The following ST6GAL1 variants were observed in gnomAD, a reference collection of about 807,000 sequenced individuals.
The protein encoded by ST6GAL1 is ST6 beta-galactoside alpha-2,6-sialyltransferase 1.
In ST6GAL1, 20 loss-of-function variants were observed where a neutral mutation model predicts 38.0. The observed-to-expected ratio is 0.53, with a 90% confidence interval of 0.37 to 0.77. ST6GAL1 has a LOEUF of 0.77. Among genes scored for constraint, ST6GAL1 ranks in the 30% least tolerant of loss-of-function variants. The pLI, the probability that ST6GAL1 is intolerant of heterozygous loss-of-function variation, is 0.00. For synonymous variants in ST6GAL1, 196 were observed against 188.2 expected (o/e 1.04, Z -0.34); for missense variants, 432 against 496.4 (o/e 0.87, Z 1.23).
At chr3:186,985,203 C>T (rs1715870189) in intron 2 of ST6GAL1, among the ~76,000 whole-genome samples, 2 of 152,112 alleles carry the variant, frequency 1.3e-5, no homozygotes, top group African/African-American at 4.8e-5. Context: ...GCCACTGAGC[C>T]TGGCCCTATC....
chr3:187,052,622 T>A (rs1718555823), intron 5 of ST6GAL1, among the ~76,000 whole-genome samples: 1 of 152,336 alleles, frequency 6.6e-6, no homozygotes, highest in Admixed American at 6.5e-5. Context: ...ACAAAGGACA[T>A]GAACTCATCC....
At chr3:187,049,138 G>A (rs1393158733) in intron 4 of ST6GAL1, among the ~76,000 whole-genome samples, 1 of 152,046 alleles carries the variant, frequency 6.6e-6, no homozygotes, top group Non-Finnish European at 1.5e-5. Flanking sequence ...TGATCCACCC[G>A]CCTCGGCCTC....
At chr3:186,970,312 T>G in intron 2 of ST6GAL1, among the ~76,000 whole-genome samples, 1 of 151,206 alleles carries the variant, frequency 6.6e-6, no homozygotes, top group Non-Finnish European at 1.5e-5. Context: ...CCTCCCAGGT[T>G]CAAGCAGTTC....
At position 187,051,250 on chromosome 3, in the gene ST6GAL1, T is replaced by C. The variant is rs748717915; in HGVS notation, c.609T>C (p.Asp203=). Residue 203 remains aspartate (D), a splice_region_variant and synonymous_variant, in exon 5 of 8, where the codon GAT becomes GAC. Transcript: ENST00000169298. ...TTTCTGTTTCTTTGTGGTTTATAGA[T>C]GATCATGACGCAGTCCTGAGGTTTA... ...LKSSQLGREI[D]DHDAVLRFNG... The C allele has an allele frequency of 1.6e-5, 26 of 1,614,012 alleles. No homozygotes were observed. Among genetic ancestry groups the C allele is most frequent in the Non-Finnish European group, 1.9e-5 (23 of 1,179,908 alleles).
At chr3:186,984,745 TC>T (rs1715818244) in intron 2 of ST6GAL1, among the ~76,000 whole-genome samples, 1 of 33,788 alleles carries the variant, frequency 3.0e-5, no homozygotes, top group Non-Finnish European at 6.1e-5. Flanking sequence ...CTTCCTTCCC[TC>T]CCTCCCTCCC....
At chr3:187,062,062 G>A (rs9827655) in intron 5 of ST6GAL1, among the ~76,000 whole-genome samples, 15,134 of 152,144 alleles carry the variant, frequency 0.099, 2,505 homozygotes, top group African/African-American at 0.34. Flanking sequence ...AATAGGCAAA[G>A]GACTTGAATG....
In ST6GAL1 at chr3:187,074,404, C is replaced by T. The variant is rs901524913; in HGVS notation, c.979+71C>T. ...GAGATGAGCTTTTTTTCTGGGGTCT[C>T]ATTCAGTCATTCGTTTGTTCATTTG... On this transcript the variant is annotated intron_variant, in intron 7 of 7. Coordinates refer to ENST00000169298, the MANE Select transcript of ST6GAL1 (RefSeq NM_173216.2). 14 of 1,429,888 alleles carry T rather than the reference C, an allele frequency of 9.8e-6. No homozygotes were observed. The African/African-American group carries it at 2.0e-4, about 21-fold the overall frequency. The allele number at this position is 1,429,888 out of a possible 1,614,324, so 88.6% of individuals were successfully genotyped here.
intron 1 of ST6GAL1, among the ~76,000 whole-genome samples, chr3:186,942,050 T>A (rs1459900826): frequency 6.6e-6 from 1 of 151,572 alleles, no homozygotes; most frequent in Non-Finnish European, 1.5e-5. Flanking sequence ...TTGTTTGCCA[T>A]CAGAGGACTT....
intron 4 of ST6GAL1, among the ~76,000 whole-genome samples, chr3:187,048,163 T>TA (rs1718371021): frequency 6.6e-6 from 1 of 152,158 alleles, no homozygotes. Context: ...CAGGATGGTC[T>TA]CGATCTCCTG....
intron 5 of ST6GAL1, among the ~76,000 whole-genome samples, chr3:187,055,703 G>T (rs1718675933): frequency 6.6e-6 from 1 of 152,294 alleles, no homozygotes; most frequent in African/African-American, 2.4e-5. Context: ...TTTTATGTTT[G>T]CTGAGGAGTG....
chr3:187,067,060 T>C (rs1330085913), intron 5 of ST6GAL1, among the ~76,000 whole-genome samples: 1 of 148,774 alleles, frequency 6.7e-6, no homozygotes, highest in Non-Finnish European at 1.5e-5. Flanking sequence ...TTTAAGGCAA[T>C]CTTCTTTTCT....
chr3:186,937,365 C>T (rs1713998852), intron 1 of ST6GAL1, among the ~76,000 whole-genome samples: 3 of 152,138 alleles, frequency 2.0e-5, no homozygotes, highest in Admixed American at 6.5e-5. Flanking sequence ...AGCCATCACC[C>T]GTCGGTTCTT....
chr3:186,939,360 A>G (rs762018661), intron 1 of ST6GAL1, among the ~76,000 whole-genome samples: 6 of 152,174 alleles, frequency 3.9e-5, no homozygotes, highest in Non-Finnish European at 8.8e-5. Context: ...GGCATAAGCC[A>G]CTGTGCCCAG....
intron 2 of ST6GAL1, among the ~76,000 whole-genome samples, chr3:186,967,411 C>T (rs1193229320): frequency 4.6e-5 from 7 of 152,166 alleles, no homozygotes; most frequent in African/African-American, 1.4e-4. Flanking sequence ...AGGCTGGTCT[C>T]GAGCTCCTGA....
At chr3:187,039,326 G>C (rs968380218) in intron 3 of ST6GAL1, among the ~76,000 whole-genome samples, 1 of 152,204 alleles carries the variant, frequency 6.6e-6, no homozygotes, top group Non-Finnish European at 1.5e-5. Context: ...TGATACAATT[G>C]CATCAGTTCA....
intron 1 of ST6GAL1, chr3:186,948,648 A>G (rs1714469967): frequency 6.6e-6 from 1 of 151,450 alleles, no homozygotes; most frequent in African/African-American, 2.4e-5. Flanking sequence ...TCCTTATCTC[A>G]CTGGTCTCTC....
intron 2 of ST6GAL1, among the ~76,000 whole-genome samples, chr3:186,975,976 T>C (rs1715507489): frequency 6.6e-6 from 1 of 152,318 alleles, no homozygotes; most frequent in South Asian, 2.1e-4. Context: ...CAGCCTCCCA[T>C]AGGAAACTGC....
At chr3:186,967,051 C>A (rs928432352) in intron 2 of ST6GAL1, among the ~76,000 whole-genome samples, 8 of 152,212 alleles carry the variant, frequency 5.3e-5, no homozygotes, top group Non-Finnish European at 1.2e-4. Context: ...TTCCATACTT[C>A]AAGGCTGTTT....
intron 1 of ST6GAL1, among the ~76,000 whole-genome samples, chr3:186,931,994 G>T (rs1389249153): frequency 2.0e-5 from 3 of 152,254 alleles, no homozygotes; most frequent in African/African-American, 7.2e-5. Flanking sequence ...GTTTCGCGGT[G>T]AATTGGTCTC....
Sources: gnomAD v4.1 joint callset for allele counts (sites outside exome capture counted in the v4.1 genomes callset) on GRCh38, gnomAD v4.1.1 for gene constraint, MANE v1.5 for transcripts, NCBI Gene and HGNC (gene_info 2026-07-23, HGNC 2026-07-21) for gene names.